The following PRPF6 variants were observed in gnomAD, a reference collection of about 807,000 sequenced individuals.
PRPF6 encodes pre-mRNA processing factor 6, also known as pre-mRNA-processing factor 6.
A neutral mutation model predicts 118.3 loss-of-function variants in PRPF6; 42 were observed. The observed-to-expected ratio is 0.35, with a 90% confidence interval of 0.28 to 0.46. PRPF6 has a LOEUF of 0.46. Among genes scored for constraint, PRPF6 ranks in the 20% least tolerant of loss-of-function variants. The probability of loss-of-function intolerance (pLI) is 1.00; values close to 1 mark genes in which losing one functional copy is unlikely to be tolerated. For synonymous variants in PRPF6, 481 were observed against 485.1 expected (o/e 0.99, Z 0.11); for missense variants, 662 against 1,255.7 (o/e 0.53, Z 7.15).
intron 8 of PRPF6, among the ~76,000 whole-genome samples, chr20:64,000,088 A>T (rs1402744585): frequency 6.6e-6 from 1 of 151,946 alleles, no homozygotes; most frequent in African/African-American, 2.4e-5. Context: ...AGTAGCTGGC[A>T]CTATAGGCGC....
intron 9 of PRPF6, among the ~76,000 whole-genome samples, chr20:64,001,500 G>C (rs1485090074): frequency 6.6e-6 from 1 of 152,188 alleles, no homozygotes; most frequent in African/African-American, 2.4e-5. Context: ...TTGGATGCTT[G>C]GGCGGTCACT....
intron 11 of PRPF6, 43 bp from the exon 12 acceptor site, chr20:64,016,680 C>G: frequency 6.2e-7 from 1 of 1,612,366 alleles, no homozygotes; most frequent in East Asian, 2.2e-5. Context: ...ATCTGCAGCT[C>G]TGATTTCCAA....
At chr20:64,016,891 T>A in intron 12 of PRPF6, 46 bp downstream of exon 12, 1 of 1,613,480 alleles carries the variant, frequency 6.2e-7, no homozygotes. Flanking sequence ...GAGTCTCTGC[T>A]TGTGGGAACA....
chr20:64,019,956 T>C lies in PRPF6; in HGVS notation c.1648-2801T>C, dbSNP rs539301001. Among the ~76,000 whole-genome samples the C allele has an allele frequency of 5.3e-5, 8 of 152,368 alleles. No homozygotes were observed. The South Asian group carries it at 1.7e-3, about 32-fold the overall frequency. Reference sequence around the variant, plus strand: ...TCCTCTCGTAGAAGGCAGCTGTTCCTCTGGGAACTGTTCTTGGGTGCCCCT... The same window carrying C: ...TCCTCTCGTAGAAGGCAGCTGTTCCCCTGGGAACTGTTCTTGGGTGCCCCT... On this transcript the variant is annotated intron_variant, in intron 12 of 20. Coordinates refer to ENST00000266079, the MANE Select transcript of PRPF6 (RefSeq NM_012469.4).
chr20:63,999,575 G>A (rs751871218), intron 7 of PRPF6, 28 bp from the exon 8 acceptor site: 5 of 1,613,374 alleles, frequency 3.1e-6, no homozygotes, highest in South Asian at 2.2e-5. Context: ...AGCATGGCCT[G>A]ATGCCGTGTG....
At position 64,032,961 on chromosome 20, in the gene PRPF6, C is replaced by T; in HGVS notation, c.2794C>T (p.Leu932=). The T allele has an allele frequency of 6.2e-7, 1 of 1,613,392 alleles. No homozygotes were observed. Among genetic ancestry groups the T allele is most frequent in the Non-Finnish European group, 8.5e-7 (1 of 1,180,034 alleles). ...WQKKIGDILR[L]VAGRIKNTF ...GAAGAAGATCGGGGACATCCTTAGG[C>T]TGGTGGCCGGCCGCATCAAGAACAC... Residue 932 remains leucine (L), a synonymous_variant, in exon 21 of 21, where the codon CTG becomes TTG. Coordinates refer to ENST00000266079, the MANE Select transcript of PRPF6 (RefSeq NM_012469.4).
chr20:64,003,090 C>T lies in PRPF6; in HGVS notation c.1186+1851C>T, dbSNP rs115152300. 4.4e-3 allele frequency among the ~76,000 whole-genome samples: 675 copies of T among 151,984 alleles called. 6 individuals carry two copies. Among genetic ancestry groups the T allele is most frequent in the African/African-American group, 0.016 (648 of 41,474 alleles). ...CTCCCAAGTAGCTGGGAGTATAGGTCCCACCCCCATGCCCAGCTATTTTTA... is the reference window on the plus strand; with the variant it reads ...CTCCCAAGTAGCTGGGAGTATAGGTTCCACCCCCATGCCCAGCTATTTTTA... On this transcript the variant is annotated intron_variant, in intron 9 of 20. Transcript: ENST00000266079.
chr20:63,988,846 G>A (rs1024401370), intron 3 of PRPF6, among the ~76,000 whole-genome samples: 4 of 151,288 alleles, frequency 2.6e-5, no homozygotes, highest in Non-Finnish European at 4.4e-5. Flanking sequence ...TCCGGCCTGG[G>A]CAACAGAGTG....
At chr20:63,992,527 G>C (rs939980901) in intron 3 of PRPF6, among the ~76,000 whole-genome samples, 8 of 152,172 alleles carry the variant, frequency 5.3e-5, no homozygotes, top group African/African-American at 1.7e-4. Context: ...AAAGCGTTGG[G>C]ATTACAGGTG....
At chr20:64,025,486 A>G (rs1168207371) in intron 14 of PRPF6, among the ~76,000 whole-genome samples, 1 of 152,156 alleles carries the variant, frequency 6.6e-6, no homozygotes, top group Non-Finnish European at 1.5e-5. Context: ...TGTCAGTGGC[A>G]CCCTGGGAGT....
At chr20:63,989,961 C>A (rs1414334231) in intron 3 of PRPF6, among the ~76,000 whole-genome samples, 1 of 151,986 alleles carries the variant, frequency 6.6e-6, no homozygotes, top group East Asian at 1.9e-4. Flanking sequence ...TCAAGTGATT[C>A]TTCTGCCTCA....
chr20:63,981,184 G>A lies in PRPF6; in HGVS notation c.-62G>A, dbSNP rs550285165. 9 of 1,519,938 alleles carry A rather than the reference G, an allele frequency of 5.9e-6. No homozygotes were observed. The East Asian group carries it at 1.4e-4, about 24-fold the overall frequency. 94.2% of individuals were successfully genotyped at this position (1,519,938 alleles called of 1,614,324 possible). On this transcript the variant is annotated 5_prime_UTR_variant, in exon 1 of 21. Transcript: ENST00000266079. Reference sequence around the variant, plus strand: ...TCGGACGTCGAAGCCTAGAGTCTCTGCGTCTTTCCCTCTTCCGCTGCCTCA... The same window carrying A: ...TCGGACGTCGAAGCCTAGAGTCTCTACGTCTTTCCCTCTTCCGCTGCCTCA...
At chr20:63,998,889 A>G (rs1171339571) in intron 6 of PRPF6, among the ~76,000 whole-genome samples, 156 bp from the exon 7 acceptor site, 20 of 151,834 alleles carry the variant, frequency 1.3e-4, no homozygotes, top group Non-Finnish European at 1.5e-5. Context: ...GAAATTTGTT[A>G]TTATCACAAG....
rs962688566 is a variant in PRPF6 at position 64,029,842 on chromosome 20, C to T, written c.2546+351C>T. 2.1e-5 allele frequency among the ~76,000 whole-genome samples: 3 copies of T among 144,540 alleles called. No homozygotes were observed. Among genetic ancestry groups the T allele is most frequent in the Admixed American group, 7.0e-5 (1 of 14,380 alleles). The allele number at this position is 144,540 out of a possible 152,430, so 94.8% of individuals were successfully genotyped here. ...TGATTCACACTGGTGCTCTGGTCGC[C>T]GGGTCAGAGACTCACTGGGGACGCA... is the stretch of plus-strand genomic sequence containing the variant. On this transcript the variant is annotated intron_variant, in intron 19 of 20. Coordinates refer to ENST00000266079, the MANE Select transcript of PRPF6 (RefSeq NM_012469.4). This position sits in a 1 kb window ranked among gnomAD's most constrained non-coding sequence, Gnocchi z 4.8.
chr20:64,018,497 A>G (rs1310951989), intron 12 of PRPF6, among the ~76,000 whole-genome samples: 2 of 151,966 alleles, frequency 1.3e-5, no homozygotes, highest in African/African-American at 4.8e-5. Flanking sequence ...AGGTGTTTCC[A>G]CTGTATGGTT....
At position 64,026,363 on chromosome 20, in the gene PRPF6, G is replaced by GGGTGT. The variant is rs1369857947; in HGVS notation, c.2028+307_2028+308insTGTGG. Among the ~76,000 whole-genome samples, 88 of 131,614 alleles carry GGGTGT rather than the reference G, an allele frequency of 6.7e-4. No homozygotes were observed. In the East Asian group the frequency reaches 0.028, roughly 42 times the overall value. 86.3% of individuals were successfully genotyped at this position (131,614 alleles called of 152,430 possible). A position where few individuals can be genotyped will look rare whatever the true frequency, so the allele number is the denominator to read the frequency against. ...CTCTACTAAAAATACAAAATTAGCC[G>GGGTGT]GGCGTGGTGGTGCGTGCCTGTAATC... is the stretch of plus-strand genomic sequence containing the variant. On this transcript the variant is annotated intron_variant, in intron 15 of 20. Transcript: ENST00000266079. The surrounding 1 kb of genome is among the most constrained non-coding windows in gnomAD (Gnocchi z 4.4).
chr20:63,996,505 G>A (rs1218434277), intron 6 of PRPF6, among the ~76,000 whole-genome samples: 1 of 152,168 alleles, frequency 6.6e-6, no homozygotes, highest in African/African-American at 2.4e-5. Flanking sequence ...TGTTGAGATG[G>A]GGTGTCACTA....
At chr20:63,992,599 G>A (rs894892620) in intron 3 of PRPF6, among the ~76,000 whole-genome samples, 12 of 151,932 alleles carry the variant, frequency 7.9e-5, no homozygotes, top group African/African-American at 2.9e-4. Flanking sequence ...GGGATTTTGT[G>A]AATTTTCAAG....
rs757425924 is a variant in PRPF6 at position 64,026,933 on chromosome 20, C to T, written c.2029-49C>T. The T allele has an allele frequency of 1.2e-5, 19 of 1,604,838 alleles. No individual in the cohort carries two copies. The Middle Eastern group carries it at 1.7e-3, about 143-fold the overall frequency. On this transcript the variant is annotated intron_variant, in intron 15 of 20. Transcript: ENST00000266079. This position sits in a 1 kb window ranked among gnomAD's most constrained non-coding sequence, Gnocchi z 4.4. ...TTGAGGATGAGTGTACCATGAAGCA[C>T]GTACCCTGGAGCTGATGCCCTGCGT...
Sources: gnomAD v4.1 joint callset for allele counts (sites outside exome capture counted in the v4.1 genomes callset) on GRCh38, gnomAD v4.1.1 for gene constraint, Gnocchi (gnomAD v3.1) non-coding constraint, MANE v1.5 for transcripts, NCBI Gene and HGNC (gene_info 2026-07-23, HGNC 2026-07-21) for gene names.